The following DLG2 variants were observed in gnomAD, a reference collection of about 807,000 sequenced individuals.
DLG2 encodes disks large homolog 2.
DLG2 carries 45 observed loss-of-function variants against 132.5 expected under a neutral mutation model. The observed-to-expected ratio is 0.34, with a 90% CI of 0.27 to 0.44. The LOEUF is 0.44. Ranked by LOEUF, DLG2 falls within the 20% of genes least tolerant of loss-of-function variation. The pLI is 1.00. For missense variants in DLG2, 1,045 were observed against 1,196.9 expected, an observed-to-expected ratio of 0.87 and a Z score of 1.87; for synonymous variants, 424 against 419.6, an observed-to-expected ratio of 1.01 and a Z score of -0.13.
chr11:84,624,012 A>T (rs918868456), intron 6 of DLG2, among the ~76,000 whole-genome samples: 2 of 152,178 alleles, frequency 1.3e-5, no homozygotes, highest in East Asian at 1.9e-4. Context: ...GTACTCAGGG[A>T]TTATTTACTG....
chr11:84,207,928 A>C (rs1226712087), intron 8 of DLG2, among the ~76,000 whole-genome samples: 1 of 152,198 alleles, frequency 6.6e-6, no homozygotes, highest in Non-Finnish European at 1.5e-5. Flanking sequence ...AATAAATAAT[A>C]AAAAAGTAAA....
chr11:84,166,621 G>C (rs144454097), intron 8 of DLG2, among the ~76,000 whole-genome samples: 5 of 151,846 alleles, frequency 3.3e-5, no homozygotes, highest in African/African-American at 9.7e-5. Flanking sequence ...TATTAAATAA[G>C]GATTTAAATA....
chr11:84,214,435 TTATA>T (rs2096807845), intron 8 of DLG2, among the ~76,000 whole-genome samples: 1 of 151,538 alleles, frequency 6.6e-6, no homozygotes, highest in South Asian at 2.1e-4. Context: ...CTATACATGT[TTATA>T]TATGTATAAA....
chr11:83,819,116 C>G (rs115821208), intron 17 of DLG2, among the ~76,000 whole-genome samples: 2 of 152,036 alleles, frequency 1.3e-5, no homozygotes, highest in African/African-American at 4.8e-5. Flanking sequence ...ATGATGATCA[C>G]GAGCCCCATC....
At chr11:85,343,472 G>A (rs1259982527) in intron 3 of DLG2, among the ~76,000 whole-genome samples, 3 of 152,074 alleles carry the variant, frequency 2.0e-5, no homozygotes, top group African/African-American at 7.2e-5. Flanking sequence ...CTGACTCATG[G>A]TCAAGTTTTA....
At chr11:83,922,398 A>G (rs1400312) in intron 15 of DLG2, among the ~76,000 whole-genome samples, 76,353 of 151,638 alleles carry the variant, frequency 0.5, 19,718 homozygotes, top group Admixed American at 0.62. Flanking sequence ...TACTTCAAAA[A>G]GGGAGTGACA....
intron 3 of DLG2, among the ~76,000 whole-genome samples, chr11:85,355,840 G>A (rs891503409): frequency 2.6e-5 from 4 of 152,172 alleles, no homozygotes; most frequent in African/African-American, 9.6e-5. Context: ...TCTCCAAGTC[G>A]AATCACCCTT....
At chr11:85,373,565 G>T (rs1374683074) in intron 3 of DLG2, among the ~76,000 whole-genome samples, 2 of 152,076 alleles carry the variant, frequency 1.3e-5, no homozygotes, top group Admixed American at 6.6e-5. Flanking sequence ...TGCCCATTGG[G>T]GTGGAGCCTC....
intron 18 of DLG2, among the ~76,000 whole-genome samples, chr11:83,636,990 A>G (rs2065032625): frequency 1.3e-5 from 2 of 152,178 alleles, no homozygotes; most frequent in Admixed American, 1.3e-4. Flanking sequence ...AATTTCACAT[A>G]GTAAAACTAG....
intron 18 of DLG2, among the ~76,000 whole-genome samples, chr11:83,670,147 C>A (rs2076594011): frequency 6.6e-6 from 1 of 152,124 alleles, no homozygotes; most frequent in Non-Finnish European, 1.5e-5. Context: ...TAGGAGTAAA[C>A]AGATGTCTAG....
intron 9 of DLG2, among the ~76,000 whole-genome samples, chr11:84,109,384 C>A (rs866353220): frequency 6.6e-6 from 1 of 152,120 alleles, no homozygotes; most frequent in Non-Finnish European, 1.5e-5. Flanking sequence ...AGCGATATGA[C>A]AAATGTGATG....
At chr11:83,959,345 T>C (rs2087851237) in intron 14 of DLG2, among the ~76,000 whole-genome samples, 1 of 152,064 alleles carries the variant, frequency 6.6e-6, no homozygotes, top group Non-Finnish European at 1.5e-5. Context: ...TACAATAGAT[T>C]AAGATATGAA....
intron 16 of DLG2, among the ~76,000 whole-genome samples, chr11:83,866,584 T>C (rs944669947): frequency 6.6e-6 from 1 of 152,108 alleles, no homozygotes; most frequent in African/African-American, 2.4e-5. Flanking sequence ...GCACGCTGTT[T>C]TGGATATATT....
At chr11:84,256,574 T>C (rs10792744) in intron 7 of DLG2, among the ~76,000 whole-genome samples, 22,846 of 152,108 alleles carry the variant, frequency 0.15, 1,946 homozygotes, top group East Asian at 0.25. Flanking sequence ...GGCAGGTGAT[T>C]GTCATTACGC....
At chr11:84,910,759 AAAAAAC>A (rs773197631) in intron 6 of DLG2, among the ~76,000 whole-genome samples, 106 of 107,756 alleles carry the variant, frequency 9.8e-4, no homozygotes, top group Non-Finnish European at 1.6e-3. Flanking sequence ...AAAAAGGAAG[AAAAAAC>A]AACAACAACA....
intron 6 of DLG2, among the ~76,000 whole-genome samples, chr11:84,868,105 T>A (rs2084893441): frequency 6.8e-6 from 1 of 147,894 alleles, no homozygotes; most frequent in Non-Finnish European, 1.5e-5. Context: ...AATAATATAT[T>A]ATTATATATT....
chr11:84,934,546 T>TTTTTTTTG lies in DLG2; in HGVS notation c.357+177114_357+177115insCAAAAAAA, dbSNP rs1183459468. Among the ~76,000 whole-genome samples, 52 of 128,720 alleles carry TTTTTTTTG rather than the reference T, an allele frequency of 4.0e-4. 1 individual carries two copies. Among genetic ancestry groups the TTTTTTTTG allele is most frequent in the Non-Finnish European group, 7.0e-4 (43 of 61,566 alleles). 84.4% of individuals were successfully genotyped at this position (128,720 alleles called of 152,430 possible). A position where few individuals can be genotyped will look rare whatever the true frequency, so the allele number is the denominator to read the frequency against. Reference sequence around the variant, plus strand: ...TTTTGTTTTTTTTTTTTTTTTTTTTTGGTGGGTAGGCTATTTATTACTGTC... The same window carrying TTTTTTTTG: ...TTTTGTTTTTTTTTTTTTTTTTTTTTTTTTTTTGGGTGGGTAGGCTATTTATTACTGTC... On this transcript the variant is annotated intron_variant, in intron 6 of 27. Transcript: ENST00000376104.
At chr11:85,528,558 C>G (rs1470509755) in intron 3 of DLG2, among the ~76,000 whole-genome samples, 1 of 152,150 alleles carries the variant, frequency 6.6e-6, no homozygotes, top group Non-Finnish European at 1.5e-5. Flanking sequence ...TGGTACAACA[C>G]TTTGGAAAAC....
intron 18 of DLG2, among the ~76,000 whole-genome samples, chr11:83,657,007 T>C (rs904663505): frequency 2.4e-4 from 36 of 152,282 alleles, no homozygotes; most frequent in African/African-American, 8.4e-4. Flanking sequence ...TACTCAGTCA[T>C]CCAAGACCCA....
Sources: allele counts gnomAD v4.1 joint callset (sites outside exome capture counted in the v4.1 genomes callset), GRCh38; gene constraint gnomAD v4.1.1; transcripts MANE v1.5; gene names NCBI Gene and HGNC (gene_info 2026-07-23, HGNC 2026-07-21).